The following SEZ6L variants were observed in gnomAD, a reference collection of about 807,000 sequenced individuals.
SEZ6L encodes seizure related 6 homolog like, also known as seizure 6-like protein.
In SEZ6L, 37 loss-of-function variants were observed where a neutral mutation model predicts 106.2. The ratio of observed to expected loss-of-function variants is 0.35; its 90% CI spans 0.27 to 0.46. The LOEUF (loss-of-function observed/expected upper bound fraction) is 0.46. Among genes scored for constraint, SEZ6L ranks in the 20% least tolerant of loss-of-function variants. SEZ6L has a pLI of 1.00. For missense variants in SEZ6L, 1,172 were observed against 1,332.8 expected (o/e 0.88, Z 1.88); for synonymous variants, 541 against 570.4 (o/e 0.95, Z 0.73).
At chr22:26,237,834 G>C (rs2078997864) in intron 1 of SEZ6L, among the ~76,000 whole-genome samples, 1 of 152,152 alleles carries the variant, frequency 6.6e-6, no homozygotes, top group Non-Finnish European at 1.5e-5. Context: ...AATCAGCAGA[G>C]CACAAGTGTG....
At position 26,210,168 on chromosome 22, in the gene SEZ6L, T is replaced by G. The variant is rs529302640; in HGVS notation, c.94+40405T>G. Among the ~76,000 whole-genome samples, 3 of 152,248 alleles carry G rather than the reference T, an allele frequency of 2.0e-5. No individual in the cohort carries two copies. The East Asian group carries it at 5.8e-4, about 29-fold the overall frequency. On this transcript the variant is annotated intron_variant, in intron 1 of 16. Transcript: ENST00000248933. ...TCTCAGTAGAGATGAACCATGGCCC[T>G]CCCCCTGCCCTTCAGGCCAGTGCAC... is the stretch of plus-strand genomic sequence containing the variant.
At chr22:26,247,957 C>T (rs2079419648) in intron 1 of SEZ6L, among the ~76,000 whole-genome samples, 1 of 152,178 alleles carries the variant, frequency 6.6e-6, no homozygotes, top group African/African-American at 2.4e-5. Flanking sequence ...TCCTTGATGT[C>T]CCTGCCTGCC....
At chr22:26,369,346 G>GTTTTTTTTTT (rs112358000) in intron 13 of SEZ6L, among the ~76,000 whole-genome samples, 1 of 91,598 alleles carries the variant, frequency 1.1e-5, no homozygotes, top group Non-Finnish European at 2.1e-5. Context: ...CAGTTCTTTT[G>GTTTTTTTTTT]TTTTTTTTTT....
chr22:26,186,494 G>T (rs1258607220), intron 1 of SEZ6L, among the ~76,000 whole-genome samples: 1 of 152,212 alleles, frequency 6.6e-6, no homozygotes, highest in East Asian at 1.9e-4. Flanking sequence ...GCAGAGTAGG[G>T]GTGGGGAGGT....
At chr22:26,187,843 G>A (rs1454389380) in intron 1 of SEZ6L, among the ~76,000 whole-genome samples, 2 of 152,154 alleles carry the variant, frequency 1.3e-5, no homozygotes, top group African/African-American at 4.8e-5. Flanking sequence ...ATAAAAATGT[G>A]CTTGGGGCAG....
chr22:26,366,842 T>A (rs570675386), intron 13 of SEZ6L, among the ~76,000 whole-genome samples: 1 of 152,130 alleles, frequency 6.6e-6, no homozygotes, highest in Admixed American at 6.5e-5. Flanking sequence ...AGAGACAGGG[T>A]CTTGCTATGT....
chr22:26,304,019 G>A (rs921786870), intron 5 of SEZ6L, among the ~76,000 whole-genome samples: 1 of 152,064 alleles, frequency 6.6e-6, no homozygotes, highest in Non-Finnish European at 1.5e-5. Flanking sequence ...TGACTGCCAC[G>A]CTCTGTGAGA....
At chr22:26,189,838 C>G (rs149032320) in intron 1 of SEZ6L, among the ~76,000 whole-genome samples, 3,364 of 152,160 alleles carry the variant, frequency 0.022, 120 homozygotes, top group African/African-American at 0.076. Flanking sequence ...TGGCTCACGC[C>G]GGTAATCCCA....
At chr22:26,196,136 G>C (rs6519644) in intron 1 of SEZ6L, among the ~76,000 whole-genome samples, 3,353 of 152,240 alleles carry the variant, frequency 0.022, 121 homozygotes, top group African/African-American at 0.076. Context: ...TCTTGGTACT[G>C]TTCTCATGAT....
chr22:26,275,000 C>T lies in SEZ6L; in HGVS notation c.95-17406C>T, dbSNP rs192508144. Reference sequence around the variant, plus strand: ...GTATCTTGCTAACACTGGCATTGCCCAAGGACCCCAGGTACACGAAGACTC... The same window carrying T: ...GTATCTTGCTAACACTGGCATTGCCTAAGGACCCCAGGTACACGAAGACTC... On this transcript the variant is annotated intron_variant, in intron 1 of 16. Transcript: ENST00000248933. Among the ~76,000 whole-genome samples the T allele has an allele frequency of 2.6e-5, 4 of 152,288 alleles. No individual in the cohort carries two copies. In the East Asian group the frequency reaches 7.7e-4, roughly 29 times the overall value.
At chr22:26,198,235 A>G (rs1940704032) in intron 1 of SEZ6L, among the ~76,000 whole-genome samples, 1 of 152,234 alleles carries the variant, frequency 6.6e-6, no homozygotes, top group South Asian at 2.1e-4. Context: ...AATGATAACA[A>G]TTATCATGAT....
At chr22:26,222,895 G>A (rs539725081) in intron 1 of SEZ6L, among the ~76,000 whole-genome samples, 2 of 152,232 alleles carry the variant, frequency 1.3e-5, no homozygotes, top group South Asian at 2.1e-4. Flanking sequence ...ACATTTCTGG[G>A]GGTCACACCT....
chr22:26,322,347 G>A (rs757823323), intron 9 of SEZ6L, among the ~76,000 whole-genome samples: 28 of 152,266 alleles, frequency 1.8e-4, no homozygotes, highest in South Asian at 4.1e-4. Flanking sequence ...AACAGCTTTC[G>A]GGGCACCAGC....
At chr22:26,283,120 C>T (rs2080825866) in intron 1 of SEZ6L, among the ~76,000 whole-genome samples, 3 of 152,200 alleles carry the variant, frequency 2.0e-5, no homozygotes, top group Admixed American at 2.0e-4. Context: ...TGGGGTTTCA[C>T]CATATTGGCC....
chr22:26,270,094 T>G (rs1335248739), intron 1 of SEZ6L, among the ~76,000 whole-genome samples: 1 of 152,194 alleles, frequency 6.6e-6, no homozygotes, highest in East Asian at 1.9e-4. Flanking sequence ...AGCTTCATGT[T>G]GACAATTTCA....
At position 26,190,543 on chromosome 22, in the gene SEZ6L, G is replaced by A. The variant is rs147119378; in HGVS notation, c.94+20780G>A. On this transcript the variant is annotated intron_variant, in intron 1 of 16. Coordinates refer to ENST00000248933, the MANE Select transcript of SEZ6L (RefSeq NM_021115.5). The stretch of plus-strand genomic sequence containing the variant: ...AATTATTTCATCTCTCTGTGTCTCA[G>A]TTTTCTCATCTTTAACAGGAATTTA... Among the ~76,000 whole-genome samples the A allele has an allele frequency of 6.4e-4, 97 of 152,270 alleles. 1 individual carries two copies. Among genetic ancestry groups the A allele is most frequent in the African/African-American group, 2.2e-3 (92 of 41,558 alleles).
At chr22:26,234,839 G>A (rs1357551703) in intron 1 of SEZ6L, among the ~76,000 whole-genome samples, 1 of 152,252 alleles carries the variant, frequency 6.6e-6, no homozygotes, top group Non-Finnish European at 1.5e-5. Context: ...GAAAACTGCA[G>A]TAGCAGAGAG....
intron 3 of SEZ6L, among the ~76,000 whole-genome samples, chr22:26,295,435 TTTTG>T (rs1363208266): frequency 2.6e-5 from 4 of 152,200 alleles, no homozygotes; most frequent in Non-Finnish European, 4.4e-5. Flanking sequence ...TAGGAAGGTT[TTTTG>T]TTTTTGTTTT....
At chr22:26,347,582 G>C (rs1391625642) in intron 10 of SEZ6L, 137 bp from the exon 11 acceptor site, 3 of 642,364 alleles carry the variant, frequency 4.7e-6, no homozygotes, top group Non-Finnish European at 7.4e-6. Context: ...GCTCTTGCCA[G>C]TTAAGCGATT....
Sources: gnomAD v4.1 joint callset for allele counts (sites outside exome capture counted in the v4.1 genomes callset) on GRCh38, gnomAD v4.1.1 for gene constraint, MANE v1.5 for transcripts, NCBI Gene and HGNC (gene_info 2026-07-23, HGNC 2026-07-21) for gene names.